EHBP1: variants seen among roughly 807,000 people sequenced by gnomAD.
EHBP1 encodes EH domain binding protein 1.
In EHBP1, 55 loss-of-function variants were observed where a neutral mutation model predicts 144.0. The observed-to-expected ratio is 0.38, with a 90% CI of 0.31 to 0.48. The LOEUF is 0.48. EHBP1 is among the 20% of genes least tolerant of loss of function. The probability of loss-of-function intolerance (pLI) is 0.98; values close to 1 mark genes in which losing one functional copy is unlikely to be tolerated. For synonymous variants in EHBP1, 469 were observed against 472.7 expected, an observed-to-expected ratio of 0.99 and a Z score of 0.10; for missense variants, 1,200 against 1,364.2, an observed-to-expected ratio of 0.88 and a Z score of 1.90.
intron 2 of EHBP1, among the ~76,000 whole-genome samples, chr2:62,737,639 T>C (rs1409668795): frequency 6.6e-6 from 1 of 152,212 alleles, no homozygotes; most frequent in Non-Finnish European, 1.5e-5. Context: ...AGCGGCAAAC[T>C]GGAAGACTGT....
chr2:62,939,764 G>A (rs1482354527), intron 10 of EHBP1, among the ~76,000 whole-genome samples: 2 of 152,068 alleles, frequency 1.3e-5, no homozygotes, highest in South Asian at 4.1e-4. Flanking sequence ...ATGTGCAAAG[G>A]CCCCAAGGTA....
chr2:62,729,165 A>G (rs1359239381), intron 2 of EHBP1, among the ~76,000 whole-genome samples: 2 of 149,486 alleles, frequency 1.3e-5, no homozygotes, highest in African/African-American at 4.9e-5. Flanking sequence ...AAATCATTCC[A>G]TATCAGTTCA....
chr2:62,729,496 T>TATATAATAA (rs1558563217), intron 2 of EHBP1, among the ~76,000 whole-genome samples: 3 of 56,312 alleles, frequency 5.3e-5, no homozygotes, highest in Non-Finnish European at 1.0e-4. Context: ...AATATATAAA[T>TATATAATAA]ATATAATAAA....
chr2:62,862,772 A>G (rs1002281903), intron 8 of EHBP1, among the ~76,000 whole-genome samples: 8 of 152,338 alleles, frequency 5.3e-5, no homozygotes, highest in African/African-American at 1.9e-4. Context: ...TTAGCATTGC[A>G]TAGCATAATT....
chr2:62,839,163 C>T (rs1423443127), intron 7 of EHBP1, among the ~76,000 whole-genome samples: 15 of 151,260 alleles, frequency 9.9e-5, no homozygotes, highest in African/African-American at 2.9e-4. Flanking sequence ...GGGCTTCATC[C>T]GTGGGATGCA....
At chr2:62,679,392 CA>C (rs1164173065) in intron 1 of EHBP1, among the ~76,000 whole-genome samples, 3 of 152,218 alleles carry the variant, frequency 2.0e-5, no homozygotes, top group Non-Finnish European at 2.9e-5. Context: ...TTATCCCCTG[CA>C]AATATGACAT....
chr2:62,832,626 A>G (rs1382767276), intron 7 of EHBP1, among the ~76,000 whole-genome samples: 1 of 151,942 alleles, frequency 6.6e-6, no homozygotes, highest in African/African-American at 2.4e-5. Flanking sequence ...TATATCTGTT[A>G]TAGTGATCTA....
chr2:62,752,065 A>G (rs1485721722), intron 3 of EHBP1, among the ~76,000 whole-genome samples: 2 of 151,560 alleles, frequency 1.3e-5, no homozygotes, highest in Non-Finnish European at 2.9e-5. Flanking sequence ...AGTTCTTTTA[A>G]TTGTGATGTT....
At chr2:62,708,352 A>G (rs531848390) in intron 2 of EHBP1, among the ~76,000 whole-genome samples, 7 of 152,216 alleles carry the variant, frequency 4.6e-5, no homozygotes, top group Non-Finnish European at 1.0e-4. Context: ...GTAGAATACA[A>G]CATAATCCCT....
intron 10 of EHBP1, among the ~76,000 whole-genome samples, chr2:62,914,639 G>A (rs181342344): frequency 8.3e-4 from 126 of 152,084 alleles, no homozygotes; most frequent in Non-Finnish European, 1.1e-3. Context: ...AGGATTGGGA[G>A]TAAGCTTGTA....
At chr2:62,955,822 G>A in intron 14 of EHBP1, 162 bp downstream of exon 14, 1 of 660,986 alleles carries the variant, frequency 1.5e-6, no homozygotes, top group South Asian at 3.9e-5. Flanking sequence ...CATACTTGTA[G>A]GACCATTTGA....
Position 63,002,496 on chromosome 2 carries a change from G to A in EHBP1, c.3103+5730G>A, listed in dbSNP as rs1336650599. Among the ~76,000 whole-genome samples the A allele has an allele frequency of 2.6e-5, 4 of 151,820 alleles. No individual in the cohort carries two copies. In the South Asian group the frequency reaches 6.2e-4, roughly 24 times the overall value. On this transcript the variant is annotated intron_variant, in intron 19 of 22. Coordinates refer to ENST00000431489, the MANE Select transcript of EHBP1 (RefSeq NM_001142616.3). The stretch of plus-strand genomic sequence containing the variant: ...AGAACTTATAGAAAATTAGTACCTC[G>A]GTGGCATGAATGCTGGTTCAGTCAA...
chr2:62,754,824 A>T (rs897862262), intron 3 of EHBP1, among the ~76,000 whole-genome samples: 1 of 152,110 alleles, frequency 6.6e-6, no homozygotes, highest in African/African-American at 2.4e-5. Flanking sequence ...GCCGTTTGCT[A>T]AGATTGTTGG....
At chr2:62,950,407 C>G (rs1442695383) in intron 13 of EHBP1, among the ~76,000 whole-genome samples, 1 of 152,042 alleles carries the variant, frequency 6.6e-6, no homozygotes, top group Admixed American at 6.6e-5. Flanking sequence ...CAGCTGCTTT[C>G]TTTTATATTG....
At chr2:62,985,400 A>C (rs141932027) in intron 15 of EHBP1, among the ~76,000 whole-genome samples, 12 of 152,340 alleles carry the variant, frequency 7.9e-5, no homozygotes, top group African/African-American at 2.4e-4. Context: ...ATTACTACTA[A>C]TAAGTTATAC....
intron 4 of EHBP1, among the ~76,000 whole-genome samples, chr2:62,766,314 C>G (rs2041184012): frequency 6.6e-6 from 1 of 152,064 alleles, no homozygotes; most frequent in South Asian, 2.1e-4. Flanking sequence ...ATGCTGCAGT[C>G]ACGTTCATCT....
At chr2:62,756,662 G>A (rs1014013389) in intron 3 of EHBP1, among the ~76,000 whole-genome samples, 1 of 151,704 alleles carries the variant, frequency 6.6e-6, no homozygotes, top group Non-Finnish European at 1.5e-5. Flanking sequence ...CCAGCTACGC[G>A]GGCGCTGAGG....
At chr2:62,941,494 C>T (rs955403194) in intron 10 of EHBP1, among the ~76,000 whole-genome samples, 8 of 151,814 alleles carry the variant, frequency 5.3e-5, no homozygotes, top group African/African-American at 1.5e-4. Flanking sequence ...TTTGTTAATC[C>T]GACTGTTAAT....
chr2:62,842,482 C>T (rs900260020), intron 7 of EHBP1, among the ~76,000 whole-genome samples: 70 of 152,246 alleles, frequency 4.6e-4, no homozygotes, highest in African/African-American at 1.7e-3. Context: ...ATACCCTCAC[C>T]TTAGGGATTA....
Sources: gnomAD v4.1 joint callset for allele counts (sites outside exome capture counted in the v4.1 genomes callset) on GRCh38, gnomAD v4.1.1 for gene constraint, MANE v1.5 for transcripts, NCBI Gene and HGNC (gene_info 2026-07-23, HGNC 2026-07-21) for gene names.